TRAF3IP2: variants seen among roughly 807,000 people sequenced by gnomAD.
TRAF3IP2 encodes the protein TRAF3 interacting protein 2.
In TRAF3IP2, 35 loss-of-function variants were observed where a neutral mutation model predicts 57.9. That is an observed-to-expected ratio of 0.60 (90% CI 0.46 to 0.80). The LOEUF is 0.80. Among genes scored for constraint, TRAF3IP2 ranks in the 30% least tolerant of loss-of-function variants. The pLI is 0.00. For synonymous variants in TRAF3IP2, 251 were observed against 268.9 expected, an observed-to-expected ratio of 0.93 and a Z score of 0.65; for missense variants, 556 against 706.4, an observed-to-expected ratio of 0.79 and a Z score of 2.41.
At chr6:111,572,820 CT>C in intron 5 of TRAF3IP2, 74 bp downstream of exon 5, 1 of 1,189,334 alleles carries the variant, frequency 8.4e-7, no homozygotes, top group Non-Finnish European at 1.2e-6. Context: ...AGCTATTACA[CT>C]TTTTCTTCTG....
intron 1 of TRAF3IP2, among the ~76,000 whole-genome samples, 175 bp downstream of exon 1, chr6:111,605,601 T>TA (rs1796995626): frequency 6.6e-6 from 1 of 152,134 alleles, no homozygotes. Flanking sequence ...AGCACAAACT[T>TA]CACTGTCATT....
chr6:111,564,716 T>C (rs1795568778), intron 7 of TRAF3IP2, among the ~76,000 whole-genome samples: 1 of 152,192 alleles, frequency 6.6e-6, no homozygotes, highest in African/African-American at 2.4e-5. Flanking sequence ...GAAACCAAGT[T>C]TGGCGACAGT....
At chr6:111,575,184 A>G (rs1457106458) in intron 4 of TRAF3IP2, among the ~76,000 whole-genome samples, 1 of 152,046 alleles carries the variant, frequency 6.6e-6, no homozygotes, top group African/African-American at 2.4e-5. Context: ...TGATCACACC[A>G]CCGCACTCCC....
Position 111,591,198 on chromosome 6 carries a change from A to G in TRAF3IP2, c.829+60T>C. On this transcript the variant is annotated intron_variant, in intron 2 of 8. Transcript: ENST00000368761. This position sits in a 1 kb window ranked among gnomAD's most constrained non-coding sequence, Gnocchi z 4.9. ...CCTAGTGACACGAAGCATTGATGTG[A>G]GGCCCTTGTTTCTTCAGTCACCCAG... is the stretch of plus-strand genomic sequence containing the variant. 7.6e-7 allele frequency: 1 copy of G among 1,320,464 alleles called. No homozygotes were observed. The highest frequency in any genetic ancestry group is 1.0e-6 in the Non-Finnish European group (1 of 982,248). The allele number at this position is 1,320,464 out of a possible 1,614,324, so 81.8% of individuals were successfully genotyped here.
rs530951181 is a variant in TRAF3IP2 at position 111,588,715 on chromosome 6, A to T, written c.829+2543T>A. Among the ~76,000 whole-genome samples the T allele has an allele frequency of 1.2e-3, 186 of 152,320 alleles. 1 individual carries two copies. The highest frequency in any genetic ancestry group is 1.3e-3 in the Non-Finnish European group (86 of 68,022). On this transcript the variant is annotated intron_variant, in intron 2 of 8. Coordinates refer to ENST00000368761, the MANE Select transcript of TRAF3IP2 (RefSeq NM_147686.4). ...GTTAATCGGAAGTGCAGTTAAAAAC[A>T]TATGTATGCAATGCTTGCCATAGCA...
At position 111,562,924 on chromosome 6, in the gene TRAF3IP2, A is replaced by G. The variant is rs78751283; in HGVS notation, c.1551+41T>C. ...AAAATCCCAGATGGCAAAGCAAACC[A>G]AAGATTGAATTATGAGGATTTTGTT... On this transcript the variant is annotated intron_variant, in intron 8 of 8. Transcript: ENST00000368761. 8.9e-5 allele frequency: 131 copies of G among 1,476,128 alleles called. No individual in the cohort carries two copies. The African/African-American group carries it at 1.8e-3, about 20-fold the overall frequency. 91.4% of individuals were successfully genotyped at this position (1,476,128 alleles called of 1,614,324 possible).
At chr6:111,582,596 G>A (rs764845880) in intron 2 of TRAF3IP2, among the ~76,000 whole-genome samples, 30 of 152,156 alleles carry the variant, frequency 2.0e-4, no homozygotes, top group Middle Eastern at 3.2e-3. Flanking sequence ...ACCAGTTGCA[G>A]TTTCAGGGCA....
rs1294201953 is a variant in TRAF3IP2 at position 111,555,877 on chromosome 6, AT to A, written c.*3527del. 2.6e-5 allele frequency among the ~76,000 whole-genome samples: 4 copies of A among 151,992 alleles called. No homozygotes were observed. Among genetic ancestry groups the A allele is most frequent in the Admixed American group, 2.6e-4 (4 of 15,262 alleles). ...CCAGCAATTTGGGAGGCCGAGGCGG[AT>A]GGATCACGAGGTCAGGAGATCAAGA... On this transcript the variant is annotated 3_prime_UTR_variant, in exon 9 of 9. Coordinates refer to ENST00000368761, the MANE Select transcript of TRAF3IP2 (RefSeq NM_147686.4).
chr6:111,600,311 A>G (rs1170078615), intron 1 of TRAF3IP2: 3 of 152,174 alleles, frequency 2.0e-5, no homozygotes, highest in Admixed American at 1.3e-4. Flanking sequence ...TTTTTAACAA[A>G]CGTGTATATA....
chr6:111,558,980 G>A lies in TRAF3IP2; in HGVS notation c.*425C>T, dbSNP rs972006485. On this transcript the variant is annotated 3_prime_UTR_variant, in exon 9 of 9. Transcript: ENST00000368761. The stretch of plus-strand genomic sequence containing the variant: ...CATTTTATTATTTGTACATGAATCA[G>A]TTTGGTCTGAGGATACACAAGCATC... 3.2e-5 allele frequency: 5 copies of A among 156,892 alleles called. No homozygotes were observed. Among genetic ancestry groups the A allele is most frequent in the African/African-American group, 9.6e-5 (4 of 41,626 alleles). 9.7% of individuals were successfully genotyped at this position (156,892 alleles called of 1,614,324 possible).
intron 2 of TRAF3IP2, among the ~76,000 whole-genome samples, chr6:111,586,609 T>C (rs1796346081): frequency 6.6e-6 from 1 of 152,182 alleles, no homozygotes; most frequent in Non-Finnish European, 1.5e-5. Context: ...AGATATGCCA[T>C]TTGCATGGTG....
At chr6:111,603,905 G>A (rs374801126) in intron 1 of TRAF3IP2, among the ~76,000 whole-genome samples, 2 of 152,350 alleles carry the variant, frequency 1.3e-5, no homozygotes, top group South Asian at 4.1e-4. Context: ...ACTGGTAGCT[G>A]CAGCAGCAGA....
At chr6:111,603,392 T>C (rs1454405679) in intron 1 of TRAF3IP2, among the ~76,000 whole-genome samples, 2 of 152,172 alleles carry the variant, frequency 1.3e-5, no homozygotes, top group East Asian at 3.9e-4. Context: ...ACATTAGGGG[T>C]CATTTCATTG....
intron 4 of TRAF3IP2, chr6:111,574,498 G>T (rs1012961001): frequency 6.6e-6 from 1 of 152,242 alleles, no homozygotes; most frequent in African/African-American, 2.4e-5. Flanking sequence ...TGTGGAAAAA[G>T]AATCATCACC....
Position 111,572,924 on chromosome 6 carries a change from A to G in TRAF3IP2, c.1261T>C (p.Phe421Leu). 1 of 1,614,162 alleles carries G rather than the reference A, an allele frequency of 6.2e-7. No homozygotes were observed. The highest frequency in any genetic ancestry group is 1.1e-5 in the South Asian group (1 of 91,080). Residue 421 changes from phenylalanine (F) to leucine (L), a missense_variant, in exon 5 of 9, where the codon TTT becomes CTT. By Grantham distance (22) the Phe-to-Leu change is conservative. Coordinates refer to ENST00000368761, the MANE Select transcript of TRAF3IP2 (RefSeq NM_147686.4). ...TAMEVVKFVN[F>L]LLVNGFQTAI... ...GTTTGGAAGCCATTTACCAACAAAA[A>G]GTTCACGAATTTCACCACCTCCATA...
At chr6:111,577,529 C>A (rs1044821627) in intron 3 of TRAF3IP2, among the ~76,000 whole-genome samples, 3 of 152,038 alleles carry the variant, frequency 2.0e-5, no homozygotes, top group Admixed American at 6.6e-5. Context: ...GCTGGGACCA[C>A]AGGCATGAGC....
chr6:111,591,354 G>A lies in TRAF3IP2; in HGVS notation c.733C>T (p.Pro245Ser). Residue 245 changes from proline (P) to serine (S), a missense_variant, in exon 2 of 9, where the codon CCA (proline) becomes TCA (serine). Coordinates refer to ENST00000368761, the MANE Select transcript of TRAF3IP2 (RefSeq NM_147686.4). This position sits in a 1 kb window ranked among gnomAD's most constrained non-coding sequence, Gnocchi z 4.9. ...EFPQFEPQRY[P>S]ACAQMLPPNL... ...GGAGGCAGCATCTGTGCACATGCTG[G>A]ATACCTCTGAGGTTCAAACTGAGGG... is the stretch of plus-strand genomic sequence containing the variant. 1 of 1,536,340 alleles carries A rather than the reference G, an allele frequency of 6.5e-7. No homozygotes were observed. Among genetic ancestry groups the A allele is most frequent in the Non-Finnish European group, 8.7e-7 (1 of 1,145,028 alleles).
At chr6:111,581,210 G>A (rs1796153997) in intron 2 of TRAF3IP2, among the ~76,000 whole-genome samples, 1 of 152,238 alleles carries the variant, frequency 6.6e-6, no homozygotes, top group Non-Finnish European at 1.5e-5. Context: ...AAAGCCCAGA[G>A]GAGAGATGCA....
intron 1 of TRAF3IP2, chr6:111,601,504 G>A (rs1317417953): frequency 6.5e-6 from 2 of 308,286 alleles, no homozygotes; most frequent in East Asian, 5.1e-5. Flanking sequence ...TAATGAAGGT[G>A]TTATGTCCCC....
Sources: allele counts gnomAD v4.1 joint callset (sites outside exome capture counted in the v4.1 genomes callset), GRCh38; gene constraint gnomAD v4.1.1; non-coding constraint Gnocchi (gnomAD v3.1); transcripts MANE v1.5; gene names NCBI Gene and HGNC (gene_info 2026-07-23, HGNC 2026-07-21).